CNOT10: variants seen among roughly 807,000 people sequenced by gnomAD.
CNOT10 encodes the protein CCR4-NOT transcription complex, subunit 10.
CNOT10 carries 30 observed loss-of-function variants against 94.6 expected under a neutral mutation model. The observed-to-expected ratio is 0.32, with a 90% CI of 0.24 to 0.43. CNOT10 has a LOEUF of 0.43. Among genes scored for constraint, CNOT10 ranks in the 20% least tolerant of loss-of-function variants. CNOT10 has a pLI of 1.00. For missense variants in CNOT10, 759 were observed against 877.2 expected (o/e 0.87, Z 1.70); for synonymous variants, 289 against 301.6 (o/e 0.96, Z 0.43).
chr3:32,695,750 A>G (rs1246937034), intron 1 of CNOT10: 2 of 1,536,038 alleles, frequency 1.3e-6, no homozygotes, highest in Admixed American at 2.0e-5. Flanking sequence ...GAACGGTCGT[A>G]TACTCTTTCA....
chr3:32,686,322 G>A (rs886558459), intron 1 of CNOT10, among the ~76,000 whole-genome samples: 17 of 152,132 alleles, frequency 1.1e-4, no homozygotes, highest in African/African-American at 3.9e-4. Flanking sequence ...AAAAGTGATG[G>A]AACTTAAAAT....
chr3:32,727,932 T>C, intron 10 of CNOT10, 62 bp downstream of exon 10: 1 of 1,082,338 alleles, frequency 9.2e-7, no homozygotes, highest in Non-Finnish European at 1.3e-6. Context: ...CATGGAATGG[T>C]TAAAAAAAAA....
At chr3:32,747,170 C>T (rs765368656) in intron 13 of CNOT10, among the ~76,000 whole-genome samples, 12 of 152,174 alleles carry the variant, frequency 7.9e-5, no homozygotes, top group Non-Finnish European at 1.5e-4. Context: ...AATCCCAGCA[C>T]TTTGGGAGGC....
Position 32,759,495 on chromosome 3 carries a change from G to T in CNOT10, c.1633G>T (p.Ala545Ser). Residue 545 changes from alanine (A) to serine (S), a missense_variant, in exon 14 of 19, where the codon GCT becomes TCT. Physicochemically the swap from Ala to Ser is moderately conservative, Grantham distance 99 (BLOSUM62 1). Transcript: ENST00000328834. ...TGCTTGCAGTGCCTACGTGGCTCTGGCTTTGGGTGATAACCTCATGGCTTT... is the reference window on the plus strand; with the variant it reads ...TGCTTGCAGTGCCTACGTGGCTCTGTCTTTGGGTGATAACCTCATGGCTTT... ...ILACSAYVAL[A>S]LGDNLMALNH... The T allele has an allele frequency of 6.2e-7, 1 of 1,613,994 alleles. No individual in the cohort carries two copies. Among genetic ancestry groups the T allele is most frequent in the East Asian group, 2.2e-5 (1 of 44,874 alleles).
chr3:32,705,055 G>T, intron 3 of CNOT10, 83 bp downstream of exon 3: 1 of 929,462 alleles, frequency 1.1e-6, no homozygotes, highest in South Asian at 2.2e-5. Flanking sequence ...GAAAATAAAT[G>T]TGATTTGTCT....
At chr3:32,740,895 G>A (rs1303101979) in intron 13 of CNOT10, among the ~76,000 whole-genome samples, 1 of 151,688 alleles carries the variant, frequency 6.6e-6, no homozygotes, top group African/African-American at 2.4e-5. Flanking sequence ...GTGTAGGTGT[G>A]GGGTCTTGAT....
At chr3:32,748,304 A>G (rs879221076) in intron 13 of CNOT10, among the ~76,000 whole-genome samples, 1 of 152,236 alleles carries the variant, frequency 6.6e-6, no homozygotes, top group Non-Finnish European at 1.5e-5. Context: ...TTTTAACTGA[A>G]TTATTTCTCT....
chr3:32,689,731 A>G (rs1419682553), intron 1 of CNOT10, among the ~76,000 whole-genome samples: 8 of 152,176 alleles, frequency 5.3e-5, no homozygotes, highest in Non-Finnish European at 1.2e-4. Context: ...AGGTGGGAGA[A>G]TCGCTTGAGG....
At chr3:32,726,685 G>A (rs1698681337) in intron 9 of CNOT10, among the ~76,000 whole-genome samples, 1 of 127,752 alleles carries the variant, frequency 7.8e-6, no homozygotes, top group African/African-American at 2.7e-5. Context: ...GACAGAGCGA[G>A]ACTCTGTCCA....
chr3:32,713,562 G>A (rs1559486602), intron 5 of CNOT10, among the ~76,000 whole-genome samples, 193 bp downstream of exon 5: 1 of 152,090 alleles, frequency 6.6e-6, no homozygotes, highest in African/African-American at 2.4e-5. Flanking sequence ...GTGGTTTTGA[G>A]TGTACTCACA....
intron 1 of CNOT10, among the ~76,000 whole-genome samples, chr3:32,691,875 G>A (rs1365304839): frequency 6.6e-6 from 1 of 151,888 alleles, no homozygotes; most frequent in Non-Finnish European, 1.5e-5. Flanking sequence ...AGGTAACATG[G>A]TGAAACCCTG....
chr3:32,754,414 T>G (rs371845165), intron 13 of CNOT10, among the ~76,000 whole-genome samples: 4,839 of 133,720 alleles, frequency 0.036, 137 homozygotes, highest in Middle Eastern at 0.074. Context: ...GAGGCGGAGC[T>G]TGCAGTGAGC....
intron 7 of CNOT10, among the ~76,000 whole-genome samples, chr3:32,719,869 A>T (rs1459670022): frequency 6.6e-6 from 1 of 152,196 alleles, no homozygotes; most frequent in Non-Finnish European, 1.5e-5. Context: ...CTGTATTCTT[A>T]TACATATACC....
At chr3:32,747,732 G>A (rs545464626) in intron 13 of CNOT10, among the ~76,000 whole-genome samples, 39 of 151,952 alleles carry the variant, frequency 2.6e-4, no homozygotes, top group Non-Finnish European at 4.3e-4. Context: ...GGCAGATCAC[G>A]AGGTCAAGAG....
At chr3:32,759,118 C>A (rs1700330294) in intron 13 of CNOT10, among the ~76,000 whole-genome samples, 1 of 108,296 alleles carries the variant, frequency 9.2e-6, no homozygotes, top group South Asian at 3.3e-4. Flanking sequence ...TCTCATTAGG[C>A]TATATATATA....
chr3:32,721,822 AT>A (rs1296445368), intron 8 of CNOT10, among the ~76,000 whole-genome samples: 163 of 140,456 alleles, frequency 1.2e-3, no homozygotes, highest in African/African-American at 1.8e-3. Flanking sequence ...AATTTTTTGT[AT>A]TTTTTTTTTT....
intron 13 of CNOT10, among the ~76,000 whole-genome samples, chr3:32,746,042 C>T (rs1263269288): frequency 4.6e-5 from 7 of 152,208 alleles, no homozygotes; most frequent in African/African-American, 1.7e-4. Flanking sequence ...AATCTCAAAA[C>T]ATTTTCCTGT....
chr3:32,687,516 A>T (rs1203483577), intron 1 of CNOT10, among the ~76,000 whole-genome samples: 3 of 120,284 alleles, frequency 2.5e-5, no homozygotes, highest in South Asian at 2.7e-4. Flanking sequence ...CAGTGGTGCG[A>T]TATCGGCTCA....
chr3:32,685,536 G>T, intron 1 of CNOT10, 54 bp downstream of exon 1: 2 of 1,545,200 alleles, frequency 1.3e-6, no homozygotes, highest in South Asian at 2.4e-5. Context: ...GGGCCGGGCG[G>T]ACCCTGAACT....
Sources: gnomAD v4.1 joint callset for allele counts (sites outside exome capture counted in the v4.1 genomes callset) on GRCh38, gnomAD v4.1.1 for gene constraint, MANE v1.5 for transcripts, NCBI Gene and HGNC (gene_info 2026-07-23, HGNC 2026-07-21) for gene names.